The following PPP4R1 variants were observed in gnomAD, a reference collection of about 807,000 sequenced individuals.
The protein encoded by PPP4R1 is protein phosphatase 4 regulatory subunit 1.
In PPP4R1, 42 loss-of-function variants were observed where a neutral mutation model predicts 111.2. That is an observed-to-expected ratio of 0.38 (90% CI 0.29 to 0.49). PPP4R1 has a LOEUF of 0.49. Ranked by LOEUF, PPP4R1 falls within the 20% of genes least tolerant of loss-of-function variation. The pLI, the probability that PPP4R1 is intolerant of heterozygous loss-of-function variation, is 0.97. For missense variants in PPP4R1, 1,012 were observed against 1,161.6 expected, an observed-to-expected ratio of 0.87 and a Z score of 1.87; for synonymous variants, 409 against 405.5, an observed-to-expected ratio of 1.01 and a Z score of -0.10.
intron 9 of PPP4R1, among the ~76,000 whole-genome samples, chr18:9,581,338 A>G (rs546561404): frequency 1.3e-5 from 2 of 152,316 alleles, no homozygotes; most frequent in African/African-American, 4.8e-5. Flanking sequence ...AGTTATGGGG[A>G]CGGTGCTGCA....
Position 9,555,947 on chromosome 18 carries a change from C to G in PPP4R1, c.2190+1274G>C, listed in dbSNP as rs9956160. ...ATCAGGAGATCAAGACCATCCTGGC[C>G]AACACGGTGAAACCCCATCTCTACT... On this transcript the variant is annotated intron_variant, in intron 15 of 19. Coordinates refer to ENST00000400556, the MANE Select transcript of PPP4R1 (RefSeq NM_001042388.3). 9.3e-5 allele frequency among the ~76,000 whole-genome samples: 14 copies of G among 150,056 alleles called. No individual in the cohort carries two copies. The East Asian group carries it at 2.0e-3, about 22-fold the overall frequency.
Position 9,613,306 on chromosome 18 carries a change from G to C in PPP4R1, c.52+920C>G, listed in dbSNP as rs2067615728. ...CTATTTTGGAAGATTAGCAAGAATA[G>C]AAACTATTTTAAGTTAACTGCAATT... On this transcript the variant is annotated intron_variant, in intron 2 of 19. Coordinates refer to ENST00000400556, the MANE Select transcript of PPP4R1 (RefSeq NM_001042388.3). 3.9e-5 allele frequency among the ~76,000 whole-genome samples: 6 copies of C among 152,324 alleles called. No individual in the cohort carries two copies. In the South Asian group the frequency reaches 1.2e-3, roughly 32 times the overall value.
chr18:9,583,523 C>T (rs991547812), intron 8 of PPP4R1, among the ~76,000 whole-genome samples: 4 of 152,070 alleles, frequency 2.6e-5, no homozygotes, highest in South Asian at 2.1e-4. Context: ...TGTGCCACCA[C>T]GCCCAGCTAA....
rs747079272 is a variant in PPP4R1 at position 9,593,738 on chromosome 18, ATAGAG to A, written c.295+25_295+29del. On this transcript the variant is annotated intron_variant, in intron 4 of 19. Transcript: ENST00000400556. ...ATTTGATCAAAGAAGCCTTTCTAGA[ATAGAG>A]TAAATTCACTTTCTCCACATATACC... The A allele has an allele frequency of 3.2e-6, 5 of 1,582,936 alleles. No individual in the cohort carries two copies. The Admixed American group carries it at 6.7e-5, about 21-fold the overall frequency.
At chr18:9,616,346 C>T (rs1598980358), upstream of PPP4R1, among the ~76,000 whole-genome samples, 1 of 151,868 alleles carries the variant, frequency 6.6e-6, no homozygotes, top group East Asian at 1.9e-4. Context: ...TCATGACTCA[C>T]TGTAACCTCG....
At chr18:9,561,899 G>T in intron 13 of PPP4R1, 81 bp downstream of exon 13, 1 of 1,135,694 alleles carries the variant, frequency 8.8e-7, no homozygotes, top group South Asian at 1.3e-5. Flanking sequence ...TCATAAAGAA[G>T]GGGCAAATTA....
intron 2 of PPP4R1, among the ~76,000 whole-genome samples, chr18:9,604,025 C>A (rs1355602583): frequency 6.6e-6 from 1 of 151,972 alleles, no homozygotes; most frequent in Admixed American, 6.6e-5. Context: ...TAGTGGGTAT[C>A]CAAGTGCTAT....
chr18:9,607,783 CTTT>C (rs59033925), intron 2 of PPP4R1, among the ~76,000 whole-genome samples: 27 of 125,334 alleles, frequency 2.2e-4, no homozygotes, highest in Admixed American at 3.3e-4. Context: ...TTCTTTCTTT[CTTT>C]TTTTTTTTTT....
At chr18:9,612,521 T>A (rs1198327539) in intron 2 of PPP4R1, 1 of 152,238 alleles carries the variant, frequency 6.6e-6, no homozygotes, top group African/African-American at 2.4e-5. Context: ...TACACTGTGC[T>A]TCTTGGGGGC....
intron 15 of PPP4R1, among the ~76,000 whole-genome samples, chr18:9,554,832 C>T (rs1234283733): frequency 1.3e-5 from 2 of 152,298 alleles, no homozygotes; most frequent in Non-Finnish European, 1.5e-5. Flanking sequence ...ACACAAGAGG[C>T]AGCTTTAAGG....
At chr18:9,558,865 A>C (rs1248223433) in intron 14 of PPP4R1, among the ~76,000 whole-genome samples, 4 of 152,108 alleles carry the variant, frequency 2.6e-5, no homozygotes, top group Non-Finnish European at 4.4e-5. Context: ...AGACAAAATG[A>C]CGTGAAGCAA....
intron 2 of PPP4R1, among the ~76,000 whole-genome samples, chr18:9,606,163 T>C (rs1008143508): frequency 6.6e-6 from 1 of 152,238 alleles, no homozygotes; most frequent in Non-Finnish European, 1.5e-5. Context: ...TCAATACTTA[T>C]TCTACATTAA....
rs1598947919 is a variant in PPP4R1 at position 9,595,025 on chromosome 18, A to T, written c.181T>A (p.Phe61Ile). ...AAAAGAATATGCACATACCTGTTAA[A>T]TATGTTCTCACTTGCAGCATACTTG... is the stretch of plus-strand genomic sequence containing the variant. ...LDKYAASENI[F>I]NRQMVARSLL... Residue 61 changes from phenylalanine (F) to isoleucine (I), a missense_variant, in exon 3 of 20, where the codon TTT becomes ATT. By Grantham distance (21) the Phe-to-Ile change is conservative (BLOSUM62 0). Transcript: ENST00000400556. 1 of 1,613,766 alleles carries T rather than the reference A, an allele frequency of 6.2e-7. No homozygotes were observed. Among genetic ancestry groups the T allele is most frequent in the Non-Finnish European group, 8.5e-7 (1 of 1,179,926 alleles).
rs891695493 is a variant in PPP4R1, at chr18:9,611,328, G to A, written c.52+2898C>T. Among the ~76,000 whole-genome samples, 6 of 152,174 alleles carry A rather than the reference G, an allele frequency of 3.9e-5. No individual in the cohort carries two copies. The South Asian group carries it at 6.2e-4, about 16-fold the overall frequency. On this transcript the variant is annotated intron_variant, in intron 2 of 19. Coordinates refer to ENST00000400556, the MANE Select transcript of PPP4R1 (RefSeq NM_001042388.3). ...TAGACAGAGAAACTCAGGCTCACGAGATAACAACCGTGTTATAAGGGCAGC... is the reference window on the plus strand; with the variant it reads ...TAGACAGAGAAACTCAGGCTCACGAAATAACAACCGTGTTATAAGGGCAGC...
upstream of PPP4R1, chr18:9,614,618 G>A (rs2067659351): frequency 1.2e-5 from 5 of 409,924 alleles, no homozygotes; most frequent in South Asian, 2.9e-4. This position sits in a 1 kb window ranked among gnomAD's most constrained non-coding sequence, Gnocchi z 4.1. Context: ...GGGCGCGCGC[G>A]CGGGGCGGGC....
At chr18:9,571,192 CTTAT>C (rs1358068213) in intron 10 of PPP4R1, among the ~76,000 whole-genome samples, 1 of 152,138 alleles carries the variant, frequency 6.6e-6, no homozygotes, top group Non-Finnish European at 1.5e-5. Context: ...AGGAAAGATA[CTTAT>C]TTGCTATCTC....
rs1388065786 is a variant in PPP4R1 at position 9,547,863 on chromosome 18, A to G, written c.2779T>C (p.Tyr927His). 1 of 1,613,756 alleles carries G rather than the reference A, an allele frequency of 6.2e-7. No individual in the cohort carries two copies. Among genetic ancestry groups the G allele is most frequent in the East Asian group, 2.2e-5 (1 of 44,880 alleles). ...LQMDRDSDVK[Y>H]FASIHPASTK... The stretch of plus-strand genomic sequence containing the variant: ...CTGGCAGGGTGGATGCTTGCAAAAT[A>G]CTTGACATCGCTGTCACGGTCCATC... The change falls in exon 20 of 20, where the codon TAT becomes CAT. Residue 927 changes from tyrosine to histidine, a missense_variant. Physicochemically the swap from Tyr to His is moderately conservative, Grantham distance 83. Around this residue, in one of 2 missense-constraint regions of PPP4R1, gnomAD observed 305 missense variants for 419.5 expected, o/e 0.73. Coordinates refer to ENST00000400556, the MANE Select transcript of PPP4R1 (RefSeq NM_001042388.3).
chr18:9,595,480 C>G (rs1184580489), intron 2 of PPP4R1, among the ~76,000 whole-genome samples: 1 of 152,042 alleles, frequency 6.6e-6, no homozygotes, highest in Non-Finnish European at 1.5e-5. Flanking sequence ...AATAGGCACA[C>G]AAAAAGTCAA....
intron 2 of PPP4R1, among the ~76,000 whole-genome samples, chr18:9,600,299 A>G (rs2067360682): frequency 6.6e-6 from 1 of 152,074 alleles, no homozygotes; most frequent in South Asian, 2.1e-4. Context: ...ATTGAGTACT[A>G]AAAAATATTC....
Sources: allele counts gnomAD v4.1 joint callset (sites outside exome capture counted in the v4.1 genomes callset), GRCh38; gene constraint gnomAD v4.1.1; regional missense constraint gnomAD v4.1.1; non-coding constraint Gnocchi (gnomAD v3.1); transcripts MANE v1.5; gene names NCBI Gene and HGNC (gene_info 2026-07-23, HGNC 2026-07-21).